The following FGGY variants were observed in gnomAD, a reference collection of about 807,000 sequenced individuals.
FGGY encodes FGGY carbohydrate kinase domain containing.
Under a neutral mutation model 71.3 loss-of-function variants are expected in FGGY, and 72 were observed. The observed-to-expected ratio is 1.01, with a 90% CI of 0.84 to 1.23. FGGY has a LOEUF of 1.23. FGGY is among the 50% of genes most tolerant of loss of function. FGGY has a pLI of 0.00. For missense variants in FGGY, 668 were observed against 682.3 expected (o/e 0.98, Z 0.23); for synonymous variants, 251 against 250.3 (o/e 1.00, Z -0.02).
At chr1:59,423,071 G>A (rs1464139202) in intron 5 of FGGY, among the ~76,000 whole-genome samples, 1 of 152,214 alleles carries the variant, frequency 6.6e-6, no homozygotes, top group Non-Finnish European at 1.5e-5. Flanking sequence ...CTTGGCTCCA[G>A]AGGATTGTGT....
At chr1:59,621,365 T>G (rs2096804310) in intron 9 of FGGY, among the ~76,000 whole-genome samples, 1 of 150,940 alleles carries the variant, frequency 6.6e-6, no homozygotes, top group Admixed American at 6.7e-5. Flanking sequence ...CCTACATAAT[T>G]ACTATTTTTA....
intron 10 of FGGY, among the ~76,000 whole-genome samples, chr1:59,636,194 T>G (rs2096957426): frequency 1.3e-5 from 2 of 152,186 alleles, no homozygotes; most frequent in Non-Finnish European, 2.9e-5. Flanking sequence ...TCCACCCTAG[T>G]ACACATCACA....
intron 7 of FGGY, among the ~76,000 whole-genome samples, chr1:59,541,922 A>G (rs559554215): frequency 6.6e-6 from 1 of 152,334 alleles, no homozygotes; most frequent in South Asian, 2.1e-4. Flanking sequence ...CAAAATGGGC[A>G]TCATCATAGC....
intron 5 of FGGY, among the ~76,000 whole-genome samples, chr1:59,404,281 G>C (rs2153412637): frequency 6.6e-6 from 1 of 152,164 alleles, no homozygotes; most frequent in Non-Finnish European, 1.5e-5. Context: ...TCAGTGATGG[G>C]TTGATGGATG....
chr1:59,610,822 C>T (rs1056759456), intron 9 of FGGY, among the ~76,000 whole-genome samples: 19 of 152,340 alleles, frequency 1.2e-4, no homozygotes, highest in South Asian at 6.2e-4. Flanking sequence ...ACGGCTACTG[C>T]GCTTTTACAA....
At chr1:59,312,238 C>G (rs545649520) in intron 1 of FGGY, among the ~76,000 whole-genome samples, 1 of 152,182 alleles carries the variant, frequency 6.6e-6, no homozygotes, top group Non-Finnish European at 1.5e-5. Context: ...TTTTGCTCTG[C>G]AGAAACTCTT....
chr1:59,560,147 A>G (rs1373138501), intron 8 of FGGY, among the ~76,000 whole-genome samples: 1 of 152,238 alleles, frequency 6.6e-6, no homozygotes, highest in Non-Finnish European at 1.5e-5. Context: ...ATATGATGTA[A>G]TGAAAATGAC....
At chr1:59,546,520 G>A (rs551430437) in intron 7 of FGGY, among the ~76,000 whole-genome samples, 214 of 82,992 alleles carry the variant, frequency 2.6e-3, no homozygotes, top group African/African-American at 9.5e-3. Flanking sequence ...TGATGATGAT[G>A]ATGATGATGA....
intron 8 of FGGY, among the ~76,000 whole-genome samples, chr1:59,591,918 CA>C (rs1328997337): frequency 6.6e-6 from 1 of 152,128 alleles, no homozygotes; most frequent in Non-Finnish European, 1.5e-5. Context: ...GCAATGGCAA[CA>C]AAAGCCAAAA....
chr1:59,567,684 C>G (rs2095897548), intron 8 of FGGY, among the ~76,000 whole-genome samples: 1 of 151,544 alleles, frequency 6.6e-6, no homozygotes, highest in Non-Finnish European at 1.5e-5. Flanking sequence ...AAGAGGTGCC[C>G]ACAGATAAAA....
At position 59,310,133 on chromosome 1, in the gene FGGY, T is replaced by A. The variant is rs370229220; in HGVS notation, c.-14-11403T>A. On this transcript the variant is annotated intron_variant, in intron 1 of 15. Coordinates refer to ENST00000303721, the MANE Select transcript of FGGY (RefSeq NM_018291.5). The stretch of plus-strand genomic sequence containing the variant: ...TTTGTTGCTTTATCTGATATTGTCC[T>A]CAGCTCCTCCTGAATTTGCCGAGAT... 6 of 152,334 alleles carry A rather than the reference T, an allele frequency of 3.9e-5. No homozygotes were observed. In the East Asian group the frequency reaches 9.6e-4, roughly 24 times the overall value. The allele number at this position is 152,334 out of a possible 1,614,324, so 9.4% of individuals were successfully genotyped here.
intron 5 of FGGY, among the ~76,000 whole-genome samples, chr1:59,440,501 A>T (rs1269299112): frequency 1.3e-5 from 2 of 151,944 alleles, no homozygotes; most frequent in Admixed American, 1.3e-4. Context: ...CCAACACTCA[A>T]AGTAGTCTTC....
At chr1:59,672,716 G>C (rs2097392965) in intron 13 of FGGY, among the ~76,000 whole-genome samples, 1 of 152,178 alleles carries the variant, frequency 6.6e-6, no homozygotes, top group African/African-American at 2.4e-5. Context: ...TAGAGAGAGT[G>C]TCTTCTCAGA....
chr1:59,362,288 C>G (rs1170873514), intron 4 of FGGY, among the ~76,000 whole-genome samples: 1 of 151,920 alleles, frequency 6.6e-6, no homozygotes, highest in East Asian at 1.9e-4. Flanking sequence ...TCTGTCCTTT[C>G]TCTTCCCTCT....
chr1:59,354,242 T>A (rs750350344), intron 4 of FGGY, among the ~76,000 whole-genome samples: 6 of 152,038 alleles, frequency 3.9e-5, no homozygotes, highest in Non-Finnish European at 7.4e-5. Flanking sequence ...CATGCCCAGA[T>A]AATTTGTGTA....
upstream of FGGY, chr1:59,296,998 C>T (rs1227405997): frequency 2.0e-5 from 3 of 153,084 alleles, no homozygotes; most frequent in Non-Finnish European, 2.9e-5. Flanking sequence ...AGAGGCTTCT[C>T]CAACCCGGCC....
At chr1:59,449,667 T>C (rs959877861) in intron 5 of FGGY, among the ~76,000 whole-genome samples, 10 of 152,114 alleles carry the variant, frequency 6.6e-5, no homozygotes, top group African/African-American at 2.2e-4. Flanking sequence ...TTTGTTTTGT[T>C]TTGTTTTTAT....
intron 9 of FGGY, among the ~76,000 whole-genome samples, chr1:59,612,639 C>T (rs2096700360): frequency 6.6e-6 from 1 of 152,196 alleles, no homozygotes; most frequent in Non-Finnish European, 1.5e-5. Flanking sequence ...CAAATTCACA[C>T]ATAGCAATAT....
chr1:59,319,277 C>T (rs1412984872), intron 1 of FGGY, among the ~76,000 whole-genome samples: 2 of 152,168 alleles, frequency 1.3e-5, no homozygotes, highest in Non-Finnish European at 2.9e-5. Flanking sequence ...CAGGCATGGA[C>T]CTGTTCATCC....
Sources: gnomAD v4.1 joint callset for allele counts (sites outside exome capture counted in the v4.1 genomes callset) on GRCh38, gnomAD v4.1.1 for gene constraint, MANE v1.5 for transcripts, NCBI Gene and HGNC (gene_info 2026-07-23, HGNC 2026-07-21) for gene names.